The following ADARB2 variants were observed in gnomAD, a reference collection of about 807,000 sequenced individuals.
The protein encoded by ADARB2 is inactive double-stranded RNA-specific editase B2.
A neutral mutation model predicts 62.2 loss-of-function variants in ADARB2; 25 were observed. That is an observed-to-expected ratio of 0.40 (90% CI 0.29 to 0.56). ADARB2 has a LOEUF of 0.56. ADARB2 is among the 20% of genes least tolerant of loss of function. The pLI is 0.43. For synonymous variants in ADARB2, 572 were observed against 500.8 expected, an observed-to-expected ratio of 1.14 and a Z score of -1.90; for missense variants, 1,071 against 1,077.4, an observed-to-expected ratio of 0.99 and a Z score of 0.08.
intron 1 of ADARB2, among the ~76,000 whole-genome samples, chr10:1,500,279 T>C (rs1831750302): frequency 6.6e-6 from 1 of 152,352 alleles, no homozygotes. Context: ...TTCTCTGTTG[T>C]TATTTCAGTT....
chr10:1,573,829 C>T (rs1832972456), intron 1 of ADARB2, among the ~76,000 whole-genome samples: 1 of 152,312 alleles, frequency 6.6e-6, no homozygotes, highest in South Asian at 2.1e-4. Flanking sequence ...GGCCCTCCTG[C>T]CGCCCAGTGA....
chr10:1,531,347 G>A (rs1304577039), intron 1 of ADARB2, among the ~76,000 whole-genome samples: 1 of 152,208 alleles, frequency 6.6e-6, no homozygotes, highest in African/African-American at 2.4e-5. Context: ...AGCCCTTCGC[G>A]AGAGGCATGG....
chr10:1,465,221 G>A (rs1199795265), intron 1 of ADARB2, among the ~76,000 whole-genome samples: 5 of 152,206 alleles, frequency 3.3e-5, no homozygotes, highest in Admixed American at 3.3e-4. Flanking sequence ...TAGAGGCTGG[G>A]GTGGGAACAG....
At chr10:1,187,285 C>G (rs1158031665) in intron 8 of ADARB2, among the ~76,000 whole-genome samples, 1 of 152,228 alleles carries the variant, frequency 6.6e-6, no homozygotes, top group Non-Finnish European at 1.5e-5. Context: ...CCAGGGATGA[C>G]CGGGCACTGG....
rs547758814 is a variant in ADARB2, at chr10:1,286,097, G to A, written c.1078-15028C>T. 5.4e-4 allele frequency among the ~76,000 whole-genome samples: 82 copies of A among 152,020 alleles called. 4 individuals are homozygous for A. The South Asian group carries it at 9.2e-3, about 17-fold the overall frequency. On this transcript the variant is annotated intron_variant, in intron 3 of 9. Coordinates refer to ENST00000381312, the MANE Select transcript of ADARB2 (RefSeq NM_018702.4). ...GGTGGTGGGGCAGTGGGGGCGGGTG[G>A]TGCCTCACTGGAGAGAGCCAAGAGG...
intron 1 of ADARB2, among the ~76,000 whole-genome samples, chr10:1,647,353 G>C (rs1159068713): frequency 6.6e-6 from 1 of 151,814 alleles, no homozygotes; most frequent in South Asian, 2.1e-4. Context: ...ATGTATATAT[G>C]TGTGTGTGCA....
Position 1,327,377 on chromosome 10 carries a change from GGCACAGCGCCTCCCCACT to G in ADARB2, c.1077+35633_1077+35650del, listed in dbSNP as rs1831875110. ...TCCTCACGGCCCAGCGCCTCCCCAC[GGCACAGCGCCTCCCCACT>G]GCACAGCGCCTCCCCACTGCCCAGC... On this transcript the variant is annotated intron_variant, in intron 3 of 9. Coordinates refer to ENST00000381312, the MANE Select transcript of ADARB2 (RefSeq NM_018702.4). Among the ~76,000 whole-genome samples the G allele has an allele frequency of 6.3e-4, 13 of 20,616 alleles. 2 individuals are homozygous for G. Among genetic ancestry groups the G allele is most frequent in the East Asian group, 2.3e-3 (2 of 888 alleles). The allele number at this position is 20,616 out of a possible 152,430, so 13.5% of individuals were successfully genotyped here.
intron 1 of ADARB2, among the ~76,000 whole-genome samples, chr10:1,530,625 A>G (rs982201513): frequency 6.6e-6 from 1 of 152,034 alleles, no homozygotes; most frequent in South Asian, 2.1e-4. Flanking sequence ...CTCCATGCAC[A>G]CCGACCGCTT....
intron 1 of ADARB2, among the ~76,000 whole-genome samples, chr10:1,516,857 C>G (rs965469096): frequency 6.6e-6 from 1 of 152,158 alleles, no homozygotes; most frequent in East Asian, 1.9e-4. Flanking sequence ...GCAATGACAG[C>G]GCATGGAAGT....
chr10:1,354,258 G>A (rs548072007), intron 3 of ADARB2, among the ~76,000 whole-genome samples: 2 of 151,986 alleles, frequency 1.3e-5, no homozygotes, highest in Admixed American at 6.6e-5. Context: ...CATCATATTC[G>A]CTGTGACCTG....
chr10:1,526,073 C>T (rs781110886), intron 1 of ADARB2, among the ~76,000 whole-genome samples: 11 of 152,122 alleles, frequency 7.2e-5, no homozygotes, highest in African/African-American at 1.2e-4. Flanking sequence ...GCTCAGGAAG[C>T]GAGGGACAGG....
At chr10:1,467,941 T>C (rs1346390868) in intron 1 of ADARB2, among the ~76,000 whole-genome samples, 1 of 152,170 alleles carries the variant, frequency 6.6e-6, no homozygotes, top group Non-Finnish European at 1.5e-5. Context: ...CAATTCTAAA[T>C]GCTCCCCCAC....
At chr10:1,411,360 C>T (rs1018973832) in intron 1 of ADARB2, among the ~76,000 whole-genome samples, 9 of 152,238 alleles carry the variant, frequency 5.9e-5, no homozygotes, top group African/African-American at 1.9e-4. Flanking sequence ...CCACCCGTCC[C>T]CACCAGCCCA....
chr10:1,642,483 TTAAG>T (rs1260273020), intron 1 of ADARB2, among the ~76,000 whole-genome samples: 1 of 152,194 alleles, frequency 6.6e-6, no homozygotes, highest in African/African-American at 2.4e-5. Flanking sequence ...TTTATTACAA[TTAAG>T]TATTTCCCAG....
rs954258370 is a variant in ADARB2, at chr10:1,657,092, AT to A, written c.100+79958del. On this transcript the variant is annotated intron_variant, in intron 1 of 9. Coordinates refer to ENST00000381312, the MANE Select transcript of ADARB2 (RefSeq NM_018702.4). Reference sequence around the variant, plus strand: ...GATTAACTCAGTGATGCCAAATTCTATTTTTTTTTTCCACAACGTACACCAT... The same window carrying A: ...GATTAACTCAGTGATGCCAAATTCTATTTTTTTTTCCACAACGTACACCAT... Among the ~76,000 whole-genome samples the A allele has an allele frequency of 3.4e-3, 511 of 148,892 alleles. 5 individuals carry two copies. The highest frequency in any genetic ancestry group is 0.011 in the African/African-American group (444 of 40,648).
chr10:1,452,826 T>C (rs201983417), intron 1 of ADARB2, among the ~76,000 whole-genome samples: 2 of 150,834 alleles, frequency 1.3e-5, no homozygotes, highest in Non-Finnish European at 3.0e-5. Context: ...AAAAAAAACC[T>C]TTTGTATTTT....
chr10:1,275,840 C>T (rs533210025), intron 3 of ADARB2, among the ~76,000 whole-genome samples: 18 of 152,178 alleles, frequency 1.2e-4, no homozygotes, highest in African/African-American at 3.9e-4. Context: ...ACGAACTCAT[C>T]ATTTTTTATG....
At chr10:1,417,597 G>A (rs990104896) in intron 1 of ADARB2, among the ~76,000 whole-genome samples, 6 of 152,204 alleles carry the variant, frequency 3.9e-5, no homozygotes, top group African/African-American at 7.2e-5. Flanking sequence ...AGTTTGCACC[G>A]TTTGCCTGAC....
At chr10:1,373,211 G>GTA (rs1832387959) in intron 2 of ADARB2, among the ~76,000 whole-genome samples, 1 of 152,080 alleles carries the variant, frequency 6.6e-6, no homozygotes, top group African/African-American at 2.4e-5. Flanking sequence ...GAGGAGGAGA[G>GTA]TACCACTCTC....
Sources: gnomAD v4.1 joint callset for allele counts (sites outside exome capture counted in the v4.1 genomes callset) on GRCh38, gnomAD v4.1.1 for gene constraint, MANE v1.5 for transcripts, NCBI Gene and HGNC (gene_info 2026-07-23, HGNC 2026-07-21) for gene names.